Variants in SLC44A5 observed in about 807,000 individuals in gnomAD.
SLC44A5 encodes the protein choline transporter-like protein 5.
Under a neutral mutation model 101.8 loss-of-function variants are expected in SLC44A5, and 57 were observed. The ratio of observed to expected loss-of-function variants is 0.56; its 90% CI spans 0.45 to 0.70. SLC44A5 has a LOEUF of 0.70. SLC44A5 is among the 30% of genes least tolerant of loss of function. The pLI is 0.00. For missense variants in SLC44A5, 737 were observed against 853.1 expected, an observed-to-expected ratio of 0.86 and a Z score of 1.70; for synonymous variants, 281 against 290.9, an observed-to-expected ratio of 0.97 and a Z score of 0.35.
At chr1:75,710,830 C>T in the SLC44A5 span, among the ~76,000 whole-genome samples, 2 of 152,244 alleles carry the variant, frequency 1.3e-5, no homozygotes, top group South Asian at 2.1e-4. Context: ...AAGTATAATA[C>T]GGTCTAGTGA....
chr1:75,490,298 T>C (rs1668361955), intron 2 of SLC44A5, among the ~76,000 whole-genome samples: 2 of 152,144 alleles, frequency 1.3e-5, no homozygotes, highest in Admixed American at 1.3e-4. Context: ...ATTTAACCAC[T>C]GGTAGATATT....
the SLC44A5 span, among the ~76,000 whole-genome samples, chr1:75,656,748 GA>G: frequency 1.3e-5 from 2 of 152,060 alleles, no homozygotes; most frequent in Non-Finnish European, 2.9e-5. Context: ...AATACAGTAA[GA>G]AAAAAGAAAG....
At chr1:75,587,818 C>A (rs942197629) in intron 1 of SLC44A5, among the ~76,000 whole-genome samples, 1 of 152,176 alleles carries the variant, frequency 6.6e-6, no homozygotes, top group African/African-American at 2.4e-5. Flanking sequence ...AAATTGCATT[C>A]CAAAGACCCT....
chr1:75,606,219 A>G (rs555292774), intron 1 of SLC44A5, among the ~76,000 whole-genome samples: 4 of 152,064 alleles, frequency 2.6e-5, no homozygotes, highest in East Asian at 1.9e-4. Context: ...CTACTATGGC[A>G]TATTTTATTA....
intron 4 of SLC44A5, among the ~76,000 whole-genome samples, chr1:75,314,588 C>T (rs1297008930): frequency 6.6e-6 from 1 of 152,004 alleles, no homozygotes; most frequent in East Asian, 1.9e-4. Context: ...TTAAGAAGGC[C>T]ATAGTGAAAT....
chr1:75,391,242 T>C (rs981753266), intron 3 of SLC44A5, among the ~76,000 whole-genome samples: 1 of 152,106 alleles, frequency 6.6e-6, no homozygotes, highest in African/African-American at 2.4e-5. Context: ...TGCACATAGA[T>C]TGGAAGAATC....
At chr1:75,474,874 T>C (rs1443584267) in intron 2 of SLC44A5, among the ~76,000 whole-genome samples, 1 of 152,230 alleles carries the variant, frequency 6.6e-6, no homozygotes, top group Non-Finnish European at 1.5e-5. Flanking sequence ...AAAGCATATG[T>C]TAGTAACTGG....
intron 2 of SLC44A5, among the ~76,000 whole-genome samples, chr1:75,480,195 T>C (rs1298373660): frequency 6.6e-6 from 1 of 152,138 alleles, no homozygotes; most frequent in South Asian, 2.1e-4. Flanking sequence ...TTTGACAAAA[T>C]TCAACAATAC....
At chr1:75,530,775 T>C (rs185635330) in intron 2 of SLC44A5, among the ~76,000 whole-genome samples, 1 of 152,248 alleles carries the variant, frequency 6.6e-6, no homozygotes, top group Admixed American at 6.5e-5. Context: ...AACCAGCAAC[T>C]AATTCTTGAA....
intron 13 of SLC44A5, among the ~76,000 whole-genome samples, chr1:75,226,689 C>G (rs775516725): frequency 9.9e-5 from 15 of 151,810 alleles, no homozygotes; most frequent in Non-Finnish European, 1.5e-4. Flanking sequence ...TTGAATGTGT[C>G]TTGTCTGGCT....
intron 13 of SLC44A5, 75 bp from the exon 14 acceptor site, chr1:75,222,535 A>AAGG: frequency 1.2e-6 from 1 of 834,068 alleles, no homozygotes; most frequent in Non-Finnish European, 2.0e-6. Context: ...AAATGCTAGG[A>AAGG]TTGAACTTTA....
rs1412717136 is a variant in SLC44A5 at position 75,541,490 on chromosome 1, G to A, written c.-43C>T. ...TCTTCAGAAGTAGGCCTGAATCACT[G>A]CAAACTTGAGTTGCTTAGAAAAGAG... On this transcript the variant is annotated 5_prime_UTR_variant, in exon 2 of 24. Transcript: ENST00000370859. 3 of 1,606,316 alleles carry A rather than the reference G, an allele frequency of 1.9e-6. No homozygotes were observed. The highest frequency in any genetic ancestry group is 2.7e-5 in the African/African-American group (2 of 74,720).
intron 4 of SLC44A5, among the ~76,000 whole-genome samples, chr1:75,324,734 C>G (rs1173275703): frequency 6.6e-6 from 1 of 152,108 alleles, no homozygotes; most frequent in Non-Finnish European, 1.5e-5. Flanking sequence ...TATTTTTTCT[C>G]ACAAAATTTT....
rs1653941571 is a variant in SLC44A5, at chr1:75,296,159, G to A, written c.175+4453C>T. 2.0e-5 allele frequency among the ~76,000 whole-genome samples: 3 copies of A among 151,874 alleles called. No homozygotes were observed. The South Asian group carries it at 6.2e-4, about 32-fold the overall frequency. On this transcript the variant is annotated intron_variant, in intron 5 of 23. Coordinates refer to ENST00000370859, the MANE Select transcript of SLC44A5 (RefSeq NM_001130058.2). ...CATGATGCCATTCCTTTAATCCTTT[G>A]TACTGATCTATAAATTATCTGCATG...
the SLC44A5 span, among the ~76,000 whole-genome samples, chr1:75,655,748 C>T: frequency 6.6e-6 from 1 of 152,162 alleles, no homozygotes; most frequent in Non-Finnish European, 1.5e-5. Flanking sequence ...GGGCAGAATC[C>T]CAAAGCCCCT....
chr1:75,203,267 T>G lies in SLC44A5; in HGVS notation c.*460A>C, dbSNP rs1460733681. ...CAAACTCTCAACTGGGGCAGTCCTT[T>G]CACTGATTTACTGTCCAACGAGAGT... On this transcript the variant is annotated 3_prime_UTR_variant, in exon 24 of 24. Coordinates refer to ENST00000370859, the MANE Select transcript of SLC44A5 (RefSeq NM_001130058.2). The G allele has an allele frequency of 6.6e-6, 1 of 152,350 alleles. No individual in the cohort carries two copies. Among genetic ancestry groups the G allele is most frequent in the East Asian group, 1.9e-4 (1 of 5,198 alleles). The allele number at this position is 152,350 out of a possible 1,614,324, so 9.4% of individuals were successfully genotyped here.
chr1:75,509,000 T>C (rs965371277), intron 2 of SLC44A5, among the ~76,000 whole-genome samples: 38 of 152,290 alleles, frequency 2.5e-4, no homozygotes, highest in African/African-American at 7.5e-4. Context: ...ATGATGACAA[T>C]GACAAAGCTG....
chr1:75,396,588 T>C lies in SLC44A5; in HGVS notation c.47A>G (p.Asp16Gly), dbSNP rs1255188571. Residue 16 changes from aspartate to glycine, a missense_variant, in exon 3 of 24, where the codon GAC (aspartate) becomes GGC (glycine). Asp to Gly is a moderately conservative substitution (Grantham distance 94, BLOSUM62 -1). Transcript: ENST00000370859. ...ATACTCAGACTATGACTTACCAAAG[T>C]CCTCTTCCTCAGAGGGAGTATCTGC... is the stretch of plus-strand genomic sequence containing the variant. ...KPADTPSEEE[D>G]FGDPRTYDPD... 1 of 1,612,332 alleles carries C rather than the reference T, an allele frequency of 6.2e-7. No individual in the cohort carries two copies. The highest frequency in any genetic ancestry group is 1.1e-5 in the South Asian group (1 of 91,040).
chr1:75,427,681 GAGTT>G (rs1291439768), intron 2 of SLC44A5, among the ~76,000 whole-genome samples: 21 of 152,292 alleles, frequency 1.4e-4, no homozygotes, highest in East Asian at 1.3e-3. Context: ...GATTTTGGAT[GAGTT>G]AGTTAATCTT....
Sources: allele counts gnomAD v4.1 joint callset (sites outside exome capture counted in the v4.1 genomes callset), GRCh38; gene constraint gnomAD v4.1.1; transcripts MANE v1.5; gene names NCBI Gene and HGNC (gene_info 2026-07-23, HGNC 2026-07-21).